The following ADGRD1 variants were observed in gnomAD, a reference collection of about 807,000 sequenced individuals.
ADGRD1 encodes the protein adhesion G protein-coupled receptor D1, also known as G-protein coupled receptor 133.
ADGRD1 carries 77 observed loss-of-function variants against 113.4 expected under a neutral mutation model. That is an observed-to-expected ratio of 0.68 (90% CI 0.57 to 0.82). The LOEUF is 0.82. Among genes scored for constraint, ADGRD1 ranks in the 40% least tolerant of loss-of-function variants. The pLI is 0.00. For synonymous variants in ADGRD1, 474 were observed against 475.0 expected (o/e 1.00, Z 0.03); for missense variants, 1,036 against 1,139.1 (o/e 0.91, Z 1.30).
chr12:131,118,287 T>G (rs1950514051), intron 18 of ADGRD1, 98 bp from the exon 19 acceptor site: 4 of 811,350 alleles, frequency 4.9e-6, no homozygotes, highest in Non-Finnish European at 8.3e-6. Flanking sequence ...ATGTATGAGG[T>G]GTACAAGGAA....
At chr12:131,105,678 C>T (rs562699691) in intron 16 of ADGRD1, 76 bp from the exon 17 acceptor site, 138 of 1,102,162 alleles carry the variant, frequency 1.3e-4, no homozygotes, top group South Asian at 8.3e-4. Context: ...ATAGGGACTT[C>T]GTGGGGCCAG....
chr12:131,074,697 A>T (rs2137156161), intron 13 of ADGRD1, among the ~76,000 whole-genome samples: 2 of 152,290 alleles, frequency 1.3e-5, no homozygotes, highest in African/African-American at 4.8e-5. Context: ...ATTTGTTCCC[A>T]GTCAGTGGGG....
chr12:130,996,688 C>A (rs868775895), intron 8 of ADGRD1, among the ~76,000 whole-genome samples: 1 of 83,536 alleles, frequency 1.2e-5, no homozygotes, highest in African/African-American at 4.6e-5. Flanking sequence ...CCAGACGGGG[C>A]GGCTGGCCGG....
At chr12:131,072,884 G>A (rs907567897) in intron 13 of ADGRD1, among the ~76,000 whole-genome samples, 28 of 152,196 alleles carry the variant, frequency 1.8e-4, no homozygotes, top group Non-Finnish European at 3.1e-4. Flanking sequence ...TATCCTTGGC[G>A]CCCCAAGGCA....
chr12:131,053,611 A>G (rs373661878), intron 13 of ADGRD1, among the ~76,000 whole-genome samples: 39 of 152,346 alleles, frequency 2.6e-4, no homozygotes, highest in African/African-American at 8.7e-4. Context: ...GTCAAAGTCA[A>G]TGAACCAGAA....
intron 13 of ADGRD1, chr12:131,026,131 C>G (rs960440473): frequency 6.6e-6 from 1 of 152,296 alleles, no homozygotes; most frequent in African/African-American, 2.4e-5. Flanking sequence ...GTGCTTCTCC[C>G]CTGCTGGGGA....
chr12:130,999,721 C>A (rs1274077185), intron 8 of ADGRD1, among the ~76,000 whole-genome samples: 1 of 152,126 alleles, frequency 6.6e-6, no homozygotes, highest in African/African-American at 2.4e-5. Flanking sequence ...GGGACACATC[C>A]ACTAAGCCGG....
intron 12 of ADGRD1, among the ~76,000 whole-genome samples, chr12:131,008,357 T>A (rs1033367130): frequency 1.3e-5 from 2 of 152,190 alleles, no homozygotes; most frequent in Non-Finnish European, 2.9e-5. Context: ...TCCGTCTTTG[T>A]CTTTGTATTG....
chr12:131,088,723 G>A (rs1429842435), intron 15 of ADGRD1, among the ~76,000 whole-genome samples: 1 of 152,180 alleles, frequency 6.6e-6, no homozygotes, highest in Non-Finnish European at 1.5e-5. Flanking sequence ...CTCGAGAAGC[G>A]GCAGCCCGCT....
intron 13 of ADGRD1, among the ~76,000 whole-genome samples, chr12:131,040,027 C>T (rs530438182): frequency 1.3e-5 from 2 of 152,292 alleles, no homozygotes; most frequent in Non-Finnish European, 2.9e-5. Context: ...TGCTCTGTTT[C>T]CAGAGCCCCA....
chr12:131,002,438 CT>C (rs1397238769), intron 9 of ADGRD1: 1 of 840,540 alleles, frequency 1.2e-6, no homozygotes, highest in Non-Finnish European at 1.4e-6. Context: ...TCATGAGGCT[CT>C]TCTGAAGTGC....
At chr12:130,964,753 T>C (rs1485939473) in intron 2 of ADGRD1, among the ~76,000 whole-genome samples, 2 of 152,244 alleles carry the variant, frequency 1.3e-5, no homozygotes, top group Non-Finnish European at 2.9e-5. Flanking sequence ...CATATGTACT[T>C]AGGCATCTTT....
intron 13 of ADGRD1, among the ~76,000 whole-genome samples, chr12:131,033,174 G>A (rs1266052456): frequency 6.6e-6 from 1 of 152,126 alleles, no homozygotes; most frequent in Non-Finnish European, 1.5e-5. Context: ...GGCCCTGCCC[G>A]AGCTCTTTTT....
chr12:130,999,618 A>G (rs1049681803), intron 8 of ADGRD1, among the ~76,000 whole-genome samples: 2 of 152,100 alleles, frequency 1.3e-5, no homozygotes, highest in African/African-American at 4.8e-5. Flanking sequence ...ATAGTTGGAG[A>G]CAAACAGTTA....
intron 20 of ADGRD1, among the ~76,000 whole-genome samples, chr12:131,125,454 A>T (rs185654844): frequency 1.3e-5 from 2 of 152,274 alleles, no homozygotes; most frequent in Admixed American, 1.3e-4. Context: ...TCCCTTGGGG[A>T]GAAGCCAGGG....
chr12:131,122,821 T>G (rs1950631214), intron 20 of ADGRD1, among the ~76,000 whole-genome samples: 1 of 152,288 alleles, frequency 6.6e-6, no homozygotes, highest in East Asian at 1.9e-4. Context: ...CCGAGGTGGC[T>G]CTGCCTGGCT....
At chr12:131,092,299 G>T (rs1886962209) in intron 15 of ADGRD1, among the ~76,000 whole-genome samples, 1 of 152,222 alleles carries the variant, frequency 6.6e-6, no homozygotes, top group Non-Finnish European at 1.5e-5. Flanking sequence ...TGGGCATGGG[G>T]ACTGGTGCCG....
chr12:131,097,658 C>T (rs573536980), intron 15 of ADGRD1, among the ~76,000 whole-genome samples: 53 of 152,308 alleles, frequency 3.5e-4, no homozygotes, highest in Middle Eastern at 3.4e-3. Flanking sequence ...AGGAGTGCAG[C>T]CCAGCCAGGG....
At position 130,965,860 on chromosome 12, in the gene ADGRD1, A is replaced by C. The variant is rs1870944968; in HGVS notation, c.104-603A>C. 6.6e-6 allele frequency among the ~76,000 whole-genome samples: 1 copy of C among 152,220 alleles called. No homozygotes were observed. The highest frequency in any genetic ancestry group is 1.5e-5 in the Non-Finnish European group (1 of 68,042). ...AGGGAAAATAGAATGACCAGGATTA[A>C]ATTGAGAAAGTGAGTATTGCGTCTA... is the stretch of plus-strand genomic sequence containing the variant. On this transcript the variant is annotated intron_variant, in intron 2 of 24. Transcript: ENST00000261654. This position sits in a 1 kb window ranked among gnomAD's most constrained non-coding sequence, Gnocchi z 4.8.
Sources: allele counts gnomAD v4.1 joint callset (sites outside exome capture counted in the v4.1 genomes callset), GRCh38; gene constraint gnomAD v4.1.1; non-coding constraint Gnocchi (gnomAD v3.1); transcripts MANE v1.5; gene names NCBI Gene and HGNC (gene_info 2026-07-23, HGNC 2026-07-21).